The following TRPV5 variants were observed in gnomAD, a reference collection of about 807,000 sequenced individuals.
TRPV5 encodes the protein transient receptor potential cation channel subfamily V member 5.
Under a neutral mutation model 74.1 loss-of-function variants are expected in TRPV5, and 66 were observed. That is an observed-to-expected ratio of 0.89 (90% CI 0.73 to 1.09). The LOEUF (loss-of-function observed/expected upper bound fraction) is 1.09, where lower values mean the gene tolerates loss of function less well. Ranked by LOEUF, TRPV5 falls within the 50% of genes least tolerant of loss-of-function variation. The probability of loss-of-function intolerance (pLI) is 0.00; values close to 1 mark genes in which losing one functional copy is unlikely to be tolerated. For synonymous variants in TRPV5, 399 were observed against 360.7 expected, an observed-to-expected ratio of 1.11 and a Z score of -1.20; for missense variants, 936 against 930.4, an observed-to-expected ratio of 1.01 and a Z score of -0.08.
At chr7:142,916,142 CTTACA>C (rs1795793663) in intron 8 of TRPV5, among the ~76,000 whole-genome samples, 1 of 152,176 alleles carries the variant, frequency 6.6e-6, no homozygotes, top group South Asian at 2.1e-4. Context: ...CATTGTGAAG[CTTACA>C]TTAATGATAT....
intron 1 of TRPV5, among the ~76,000 whole-genome samples, chr7:142,932,501 G>A (rs532566490): frequency 3.6e-4 from 55 of 152,316 alleles, no homozygotes; most frequent in African/African-American, 1.3e-3. Context: ...ATTGAACAAA[G>A]CACAGGAATC....
intron 8 of TRPV5, among the ~76,000 whole-genome samples, chr7:142,919,911 T>TC (rs760067245): frequency 1.3e-5 from 2 of 152,040 alleles, no homozygotes; most frequent in South Asian, 2.1e-4. Context: ...TAGACCTTTT[T>TC]CCCCCCCATG....
At chr7:142,913,917 A>G (rs1467397177) in intron 12 of TRPV5, among the ~76,000 whole-genome samples, 2 of 151,814 alleles carry the variant, frequency 1.3e-5, no homozygotes, top group African/African-American at 4.8e-5. Flanking sequence ...GCCCCTCCCT[A>G]AGGACTTTCT....
At chr7:142,914,568 G>A in intron 12 of TRPV5, 72 bp downstream of exon 12, 1 of 1,273,360 alleles carries the variant, frequency 7.9e-7, no homozygotes, top group Non-Finnish European at 1.1e-6. Flanking sequence ...TGAGAACTGA[G>A]AGCAAGAATG....
chr7:142,929,678 C>A (rs4236481), intron 3 of TRPV5, 113 bp from the exon 4 acceptor site: 1,072,831 of 1,493,232 alleles, frequency 0.72, 392,485 homozygotes, highest in East Asian at 0.93. Flanking sequence ...TGCTAGACTT[C>A]TGCCCTGGGC....
intron 7 of TRPV5, among the ~76,000 whole-genome samples, chr7:142,927,341 G>A (rs544365109): frequency 6.6e-6 from 1 of 152,336 alleles, no homozygotes; most frequent in South Asian, 2.1e-4. Flanking sequence ...GAACTGTGTT[G>A]TATTTATTTC....
In TRPV5 at chr7:142,930,115, G is replaced by A; in HGVS notation, c.292C>T (p.Leu98=). 6.2e-7 allele frequency: 1 copy of A among 1,614,200 alleles called. No individual in the cohort carries two copies. The highest frequency in any genetic ancestry group is 8.5e-7 in the Non-Finnish European group (1 of 1,180,044). ...LYDNLEAALV[L]MEAAPELVFE... ...ACCAGCTCTGGGGCAGCCTCCATCA[G>A]CACCAAGGCCGCCTCCAAGTTGTCA... The change falls in exon 3 of 15, where the codon CTG becomes TTG. Residue 98 remains leucine (L), a synonymous_variant. Coordinates refer to ENST00000265310, the MANE Select transcript of TRPV5 (RefSeq NM_019841.7).
Position 142,912,680 on chromosome 7 carries a change from C to G in TRPV5, c.1590G>C (p.Leu530=). The change falls in exon 13 of 15, where the codon CTG becomes CTC. Residue 530 remains leucine (L), a synonymous_variant. Coordinates refer to ENST00000265310, the MANE Select transcript of TRPV5 (RefSeq NM_019841.7). ...LGQFYDYPMA[L]FTTFELFLTV... ...TGAGAAAAAGCTCAAAGGTGGTGAA[C>G]AGTGCCATGGGGTAGTCATAGAATT... is the stretch of plus-strand genomic sequence containing the variant. 6.2e-7 allele frequency: 1 copy of G among 1,614,228 alleles called. No individual in the cohort carries two copies. Among genetic ancestry groups the G allele is most frequent in the Non-Finnish European group, 8.5e-7 (1 of 1,180,036 alleles).
chr7:142,926,262 A>G (rs4252427), intron 7 of TRPV5, among the ~76,000 whole-genome samples: 9,566 of 152,238 alleles, frequency 0.063, 357 homozygotes, highest in African/African-American at 0.1. Context: ...AAGTGGTCAG[A>G]TTTGCTCTAG....
chr7:142,919,031 T>C (rs565307414), intron 8 of TRPV5, among the ~76,000 whole-genome samples: 38 of 152,188 alleles, frequency 2.5e-4, no homozygotes, highest in Non-Finnish European at 4.6e-4. Flanking sequence ...GCACAGGCTA[T>C]GCCACTTTGT....
In TRPV5 at chr7:142,915,480, A is replaced by T. The variant is rs770388851; in HGVS notation, c.1209+2T>A. The T allele has an allele frequency of 6.2e-7, 1 of 1,613,542 alleles. No individual in the cohort carries two copies. The highest frequency in any genetic ancestry group is 8.5e-7 in the Non-Finnish European group (1 of 1,179,814). ...TTAGCCTGGACCCCGCCTGCCCCTC[A>T]CCTCTAGGAGCAGGATGATCACAGC... is the stretch of plus-strand genomic sequence containing the variant. On this transcript the variant is annotated splice_donor_variant, in intron 9 of 14. Coordinates refer to ENST00000265310, the MANE Select transcript of TRPV5 (RefSeq NM_019841.7). LOFTEE classifies it high-confidence loss of function.
chr7:142,931,470 C>A (rs1796095629), intron 1 of TRPV5, among the ~76,000 whole-genome samples: 3 of 152,280 alleles, frequency 2.0e-5, no homozygotes, highest in African/African-American at 7.2e-5. Flanking sequence ...GATACTCATT[C>A]TACAGGACCT....
chr7:142,926,136 A>T (rs1008445178), intron 7 of TRPV5, among the ~76,000 whole-genome samples: 6 of 152,188 alleles, frequency 3.9e-5, no homozygotes, highest in Admixed American at 1.3e-4. Flanking sequence ...CAGAAATGAT[A>T]ATGACTGAGG....
chr7:142,922,583 C>T (rs1015026101), intron 8 of TRPV5, among the ~76,000 whole-genome samples: 2 of 152,180 alleles, frequency 1.3e-5, no homozygotes, highest in Non-Finnish European at 2.9e-5. Context: ...AGGAGCTAGT[C>T]ATTTTACTAG....
At position 142,920,345 on chromosome 7, in the gene TRPV5, G is replaced by T. The variant is rs138703080; in HGVS notation, c.1123-4777C>A. On this transcript the variant is annotated intron_variant, in intron 8 of 14. Coordinates refer to ENST00000265310, the MANE Select transcript of TRPV5 (RefSeq NM_019841.7). ...TATGACTTGCCCTATATGCCAGTAG[G>T]TTAACCCCATCAAAAAACAGTGCCA... 6.3e-4 allele frequency among the ~76,000 whole-genome samples: 96 copies of T among 152,254 alleles called. 1 individual carries two copies. Among genetic ancestry groups the T allele is most frequent in the Non-Finnish European group, 9.7e-4 (66 of 68,014 alleles).
rs748301970 is a variant in TRPV5, at chr7:142,908,753, A to G, written c.1951T>C (p.Phe651Leu). Reference sequence around the variant, plus strand: ...TCATCCTCCTTGTCTGAGTTCTTGAACACTTCCACATAGCGAAGCACTCGC... The same window carrying G: ...TCATCCTCCTTGTCTGAGTTCTTGAGCACTTCCACATAGCGAAGCACTCGC... ...PLRVLRYVEV[F>L]KNSDKEDDQE... Residue 651 changes from phenylalanine (F) to leucine (L), a missense_variant, in exon 15 of 15, where the codon TTC (phenylalanine) becomes CTC (leucine). By Grantham distance (22) the Phe-to-Leu change is conservative. Transcript: ENST00000265310. 6 of 1,614,024 alleles carry G rather than the reference A, an allele frequency of 3.7e-6. No homozygotes were observed. Among genetic ancestry groups the G allele is most frequent in the African/African-American group, 1.3e-5 (1 of 75,032 alleles).
intron 13 of TRPV5, among the ~76,000 whole-genome samples, chr7:142,910,403 T>C (rs1027031817): frequency 2.0e-5 from 3 of 152,200 alleles, no homozygotes; most frequent in Non-Finnish European, 4.4e-5. Flanking sequence ...CTGACTCAGC[T>C]TTAGGTACCC....
chr7:142,924,155 T>A (rs1205410112), intron 8 of TRPV5, among the ~76,000 whole-genome samples: 1 of 150,788 alleles, frequency 6.6e-6, no homozygotes, highest in Non-Finnish European at 1.5e-5. Flanking sequence ...CATTCAGGCT[T>A]GTCCTCCCCA....
intron 13 of TRPV5, 117 bp from the exon 14 acceptor site, chr7:142,909,713 C>A: frequency 9.1e-7 from 1 of 1,097,026 alleles, no homozygotes; most frequent in South Asian, 1.5e-5. Flanking sequence ...CACTAGAGGT[C>A]AGTGGTGAGA....
Sources: allele counts gnomAD v4.1 joint callset (sites outside exome capture counted in the v4.1 genomes callset), GRCh38; gene constraint gnomAD v4.1.1; transcripts MANE v1.5; gene names NCBI Gene and HGNC (gene_info 2026-07-23, HGNC 2026-07-21).